PPP5C: variants seen among roughly 807,000 people sequenced by gnomAD.
PPP5C encodes the protein protein phosphatase 5 catalytic subunit, also known as serine/threonine-protein phosphatase 5.
Under a neutral mutation model 66.7 loss-of-function variants are expected in PPP5C, and 21 were observed. The observed-to-expected ratio is 0.31, with a 90% confidence interval of 0.22 to 0.45. PPP5C has a LOEUF of 0.45. Among genes scored for constraint, PPP5C ranks in the 20% least tolerant of loss-of-function variants. The probability of loss-of-function intolerance (pLI) is 1.00; values close to 1 mark genes in which losing one functional copy is unlikely to be tolerated. For missense variants in PPP5C, 464 were observed against 675.9 expected (o/e 0.69, Z 3.48); for synonymous variants, 246 against 257.4 (o/e 0.96, Z 0.43).
rs368069081 is a variant in PPP5C, at chr19:46,390,383, C to G, written c.*37C>G. The G allele has an allele frequency of 1.3e-6, 2 of 1,554,110 alleles. No individual in the cohort carries two copies. The highest frequency in any genetic ancestry group is 1.7e-6 in the Non-Finnish European group (2 of 1,148,762). Reference sequence around the variant, plus strand: ...GGGCGGCCTGCATCCCAGGGCCCCTCCAATCCCACCGGACCCAGGCCCTGG... The same window carrying G: ...GGGCGGCCTGCATCCCAGGGCCCCTGCAATCCCACCGGACCCAGGCCCTGG... On this transcript the variant is annotated 3_prime_UTR_variant, in exon 13 of 13. Transcript: ENST00000012443.
chr19:46,379,203 A>G (rs4802309), intron 4 of PPP5C, among the ~76,000 whole-genome samples: 148,368 of 152,318 alleles, frequency 0.97, 72,289 homozygotes, highest in East Asian at 1. Context: ...ACAGGTGTGC[A>G]CCACCATGCC....
Position 46,357,769 on chromosome 19 carries a change from G to A in PPP5C, c.363+3780G>A, listed in dbSNP as rs183135314. Among the ~76,000 whole-genome samples the A allele has an allele frequency of 7.2e-5, 11 of 152,356 alleles. No homozygotes were observed. The East Asian group carries it at 1.9e-3, about 27-fold the overall frequency. On this transcript the variant is annotated intron_variant, in intron 2 of 12. Coordinates refer to ENST00000012443, the MANE Select transcript of PPP5C (RefSeq NM_006247.4). Reference sequence around the variant, plus strand: ...ACAGATGAGATGCGCAGAGCAACGTGTGGGATGGAGTGCAGAGCTTCCGCG... The same window carrying A: ...ACAGATGAGATGCGCAGAGCAACGTATGGGATGGAGTGCAGAGCTTCCGCG...
At chr19:46,367,980 A>G (rs1275408926) in intron 2 of PPP5C, among the ~76,000 whole-genome samples, 1 of 152,134 alleles carries the variant, frequency 6.6e-6, no homozygotes, top group Admixed American at 6.6e-5. Context: ...GAATAAATGT[A>G]CTCAGCAGCT....
At chr19:46,385,084 G>A (rs576430965) in intron 7 of PPP5C, 175 bp downstream of exon 7, 419 of 584,102 alleles carry the variant, frequency 7.2e-4, no homozygotes, top group Non-Finnish European at 1.1e-3. Flanking sequence ...ACCAAAGGAC[G>A]CGTTTACATC....
rs1487988358 is a variant in PPP5C, at chr19:46,383,873, C to T, written c.793C>T (p.Pro265Ser). ...ELNGLPSETN[P>S]YIFNGDFVDR... Reference sequence around the variant, plus strand: ...CAACGGTTTACCCTCGGAGACCAACCCCTATGTATCCTTCTCAGCAGAGCC... The same window carrying T: ...CAACGGTTTACCCTCGGAGACCAACTCCTATGTATCCTTCTCAGCAGAGCC... The change falls in exon 6 of 13, where the codon CCC becomes TCC. Residue 265 changes from proline to serine, a missense_variant. Physicochemically the swap from Pro to Ser is moderately conservative, Grantham distance 74 (BLOSUM62 -1). Transcript: ENST00000012443. The surrounding 1 kb of genome is among the most constrained non-coding windows in gnomAD (Gnocchi z 5.0). 1.2e-6 allele frequency: 2 copies of T among 1,609,484 alleles called. No individual in the cohort carries two copies. Among genetic ancestry groups the T allele is most frequent in the South Asian group, 1.1e-5 (1 of 90,988 alleles).
At chr19:46,351,805 A>G (rs146445610) in intron 1 of PPP5C, among the ~76,000 whole-genome samples, 5 of 152,326 alleles carry the variant, frequency 3.3e-5, no homozygotes, top group Non-Finnish European at 5.9e-5. Flanking sequence ...TCATTACTCA[A>G]CAGTGACGAT....
chr19:46,367,815 A>G (rs963648568), intron 2 of PPP5C, among the ~76,000 whole-genome samples: 1 of 152,126 alleles, frequency 6.6e-6, no homozygotes, highest in African/African-American at 2.4e-5. Context: ...GCAAATCCAC[A>G]ATTAGAATAA....
Position 46,383,310 on chromosome 19 carries a change from G to A in PPP5C, c.634-101G>A, listed in dbSNP as rs899945103. Reference sequence around the variant, plus strand: ...TTTCTTCTCTCCCTGCTTCTCCCTCGCCCTCAGCCCAGCAGCGTCTCATGG... The same window carrying A: ...TTTCTTCTCTCCCTGCTTCTCCCTCACCCTCAGCCCAGCAGCGTCTCATGG... On this transcript the variant is annotated intron_variant, in intron 4 of 12. Transcript: ENST00000012443. The surrounding 1 kb of genome is among the most constrained non-coding windows in gnomAD (Gnocchi z 5.0). 28 of 1,555,990 alleles carry A rather than the reference G, an allele frequency of 1.8e-5. No homozygotes were observed. In the East Asian group the frequency reaches 3.4e-4, roughly 19 times the overall value.
intron 1 of PPP5C, 70 bp from the exon 2 acceptor site, chr19:46,353,678 G>A (rs931488054): frequency 5.0e-5 from 80 of 1,590,350 alleles, no homozygotes; most frequent in African/African-American, 3.8e-4. Flanking sequence ...GAGACTGGGC[G>A]TCACCCAGCC....
chr19:46,352,440 C>G (rs1972203986), intron 1 of PPP5C, among the ~76,000 whole-genome samples: 1 of 152,194 alleles, frequency 6.6e-6, no homozygotes, highest in Non-Finnish European at 1.5e-5. Context: ...TGCCTCTGTG[C>G]TTACCCCTGT....
At chr19:46,350,117 G>A (rs1229605396) in intron 1 of PPP5C, among the ~76,000 whole-genome samples, 1 of 152,132 alleles carries the variant, frequency 6.6e-6, no homozygotes, top group African/African-American at 2.4e-5. Flanking sequence ...CCTCTGGAGG[G>A]GCAGGACAAG....
In PPP5C at chr19:46,390,737, G is replaced by A. The variant is rs1158477587; in HGVS notation, c.*391G>A. ...GAGAGAGGGTCAGCAGGGGGGCCCC[G>A]CCTGCGCCTCCCCTCCTATAGCCCC... On this transcript the variant is annotated 3_prime_UTR_variant, in exon 13 of 13. Transcript: ENST00000012443. 4 of 1,137,392 alleles carry A rather than the reference G, an allele frequency of 3.5e-6. No homozygotes were observed. Among genetic ancestry groups the A allele is most frequent in the East Asian group, 5.9e-5 (1 of 16,834 alleles). 70.5% of individuals were successfully genotyped at this position (1,137,392 alleles called of 1,614,324 possible).
intron 2 of PPP5C, among the ~76,000 whole-genome samples, chr19:46,363,877 T>G (rs1374607859): frequency 6.6e-6 from 1 of 152,124 alleles, no homozygotes; most frequent in East Asian, 1.9e-4. Flanking sequence ...GTTACAGAGA[T>G]CAAGGAGCTC....
chr19:46,386,131 T>C (rs1229990334), intron 7 of PPP5C, among the ~76,000 whole-genome samples: 2 of 152,020 alleles, frequency 1.3e-5, no homozygotes, highest in Admixed American at 6.6e-5. Flanking sequence ...GGCCAGGAGC[T>C]GAGGAGCTCC....
intron 11 of PPP5C, among the ~76,000 whole-genome samples, chr19:46,389,362 AACACAC>A (rs57181889): frequency 9.2e-5 from 9 of 98,010 alleles, no homozygotes; most frequent in East Asian, 3.4e-4. Context: ...TCCATCTCAA[AACACAC>A]ACACACACAC....
chr19:46,387,797 G>A (rs1972917483), intron 9 of PPP5C: 1 of 1,147,984 alleles, frequency 8.7e-7, no homozygotes, highest in Non-Finnish European at 1.1e-6. Context: ...ACCCACAGGT[G>A]CACACGCACG....
intron 1 of PPP5C, among the ~76,000 whole-genome samples, chr19:46,350,533 G>A (rs911041960): frequency 5.9e-5 from 9 of 152,264 alleles, no homozygotes; most frequent in Middle Eastern, 6.8e-3. Flanking sequence ...GGAGGAGAAC[G>A]GCCCTGCTGG....
In PPP5C at chr19:46,390,287, C is replaced by T; in HGVS notation, c.1441C>T (p.His481Tyr). The change falls in exon 13 of 13, where the codon CAT becomes TAT. Residue 481 changes from histidine (H) to tyrosine (Y), a missense_variant. Around this residue, in one of 2 missense-constraint regions of PPP5C, gnomAD observed 387 missense variants for 626.0 expected, o/e 0.62. Coordinates refer to ENST00000012443, the MANE Select transcript of PPP5C (RefSeq NM_006247.4). Reference protein sequence around the residue: ...PQFHQFTAVPHPNVKPMAYAN... With the variant: ...PQFHQFTAVPYPNVKPMAYAN... ...CCCACCTGCCCTGGTCCCACAGCCT[C>T]ATCCCAACGTCAAGCCCATGGCCTA... The T allele has an allele frequency of 6.3e-7, 1 of 1,593,204 alleles. No homozygotes were observed. Among genetic ancestry groups the T allele is most frequent in the Non-Finnish European group, 8.5e-7 (1 of 1,169,718 alleles).
chr19:46,356,209 A>G (rs981534406), intron 2 of PPP5C, among the ~76,000 whole-genome samples: 2 of 152,180 alleles, frequency 1.3e-5, no homozygotes, highest in African/African-American at 4.8e-5. Flanking sequence ...CTAAATTGTC[A>G]TGGCCCATTT....
Sources: gnomAD v4.1 joint callset for allele counts (sites outside exome capture counted in the v4.1 genomes callset) on GRCh38, gnomAD v4.1.1 for gene constraint, gnomAD v4.1.1 regional missense constraint, Gnocchi (gnomAD v3.1) non-coding constraint, MANE v1.5 for transcripts, NCBI Gene and HGNC (gene_info 2026-07-23, HGNC 2026-07-21) for gene names.